The following MANBAL variants were observed in gnomAD, a reference collection of about 807,000 sequenced individuals.
MANBAL encodes protein MANBAL.
In MANBAL, 1 loss-of-function variant was observed where a neutral mutation model predicts 6.4. The observed-to-expected ratio is 0.16, with a 90% CI of 0.06 to 0.74. The LOEUF (loss-of-function observed/expected upper bound fraction) is 0.74. MANBAL is among the 30% of genes least tolerant of loss of function. The pLI is 0.78. For synonymous variants in MANBAL, 47 were observed against 45.8 expected (o/e 1.03, Z -0.10); for missense variants, 100 against 107.8 (o/e 0.93, Z 0.32).
chr20:37,300,710 T>G (rs2069113966), intron 1 of MANBAL, among the ~76,000 whole-genome samples: 1 of 152,264 alleles, frequency 6.6e-6, no homozygotes, highest in African/African-American at 2.4e-5. Flanking sequence ...ACTTTATGTT[T>G]GGAAAACATC....
intron 2 of MANBAL, among the ~76,000 whole-genome samples, chr20:37,303,099 C>T (rs1485365284): frequency 8.5e-5 from 13 of 152,158 alleles, no homozygotes; most frequent in Non-Finnish European, 1.8e-4. Context: ...TTAGTAGAGA[C>T]ACGGTTTTGC....
chr20:37,295,146 C>T (rs556882177), intron 1 of MANBAL, among the ~76,000 whole-genome samples: 1 of 152,226 alleles, frequency 6.6e-6, no homozygotes, highest in Middle Eastern at 3.4e-3. Context: ...TCCTCCTTGT[C>T]GTTAAATGAT....
intron 2 of MANBAL, among the ~76,000 whole-genome samples, chr20:37,308,560 G>A (rs937487012): frequency 6.6e-6 from 1 of 152,160 alleles, no homozygotes; most frequent in Admixed American, 6.5e-5. Flanking sequence ...TGAGGGGTCT[G>A]TGATCCCCCT....
chr20:37,305,937 A>G (rs1238066345), intron 2 of MANBAL, among the ~76,000 whole-genome samples: 1 of 152,102 alleles, frequency 6.6e-6, no homozygotes, highest in Non-Finnish European at 1.5e-5. Flanking sequence ...TGCTGCTTAG[A>G]GGTTGTCCCT....
At chr20:37,301,461 T>TAC (rs752403136) in intron 2 of MANBAL, 48 bp downstream of exon 2, 1 of 1,599,360 alleles carries the variant, frequency 6.3e-7, no homozygotes, top group Non-Finnish European at 8.5e-7. Flanking sequence ...CCAGGCTGGG[T>TAC]TCTGAGTACT....
At chr20:37,291,008 G>T (rs1483952553) in intron 1 of MANBAL, among the ~76,000 whole-genome samples, 1 of 152,146 alleles carries the variant, frequency 6.6e-6, no homozygotes, top group Non-Finnish European at 1.5e-5. Flanking sequence ...AGCCAAGAAT[G>T]GCCTACCAGC....
chr20:37,298,516 CAT>C (rs772356813), intron 1 of MANBAL, among the ~76,000 whole-genome samples: 1 of 152,120 alleles, frequency 6.6e-6, no homozygotes, highest in Non-Finnish European at 1.5e-5. Context: ...TAGCTTATTT[CAT>C]ATATATTTAT....
In MANBAL at chr20:37,301,299, G is replaced by A. The variant is rs756088289; in HGVS notation, c.36G>A (p.Val12=). 1.2e-6 allele frequency: 2 copies of A among 1,611,450 alleles called. No homozygotes were observed. Among genetic ancestry groups the A allele is most frequent in the Admixed American group, 1.7e-5 (1 of 59,904 alleles). ...ACCTAGACTTCTCACCTCCGGAGGT[G>A]CCCGAGCCCACTTTCCTGGAGAACC... ...ASDLDFSPPE[V]PEPTFLENLL... The change falls in exon 2 of 3, where the codon GTG becomes GTA. Residue 12 remains valine (V), a synonymous_variant. Transcript: ENST00000373606.
At chr20:37,294,023 G>T (rs1201446354) in intron 1 of MANBAL, among the ~76,000 whole-genome samples, 1 of 152,216 alleles carries the variant, frequency 6.6e-6, no homozygotes, top group Non-Finnish European at 1.5e-5. Flanking sequence ...CCGGGCTCAA[G>T]CAATCCTCCT....
intron 1 of MANBAL, chr20:37,297,024 C>A (rs540550605): frequency 1.3e-4 from 20 of 152,268 alleles, no homozygotes; most frequent in African/African-American, 4.6e-4. Flanking sequence ...AAGCTTGTTA[C>A]AGCCTTAAGC....
chr20:37,291,142 T>G (rs538658008), intron 1 of MANBAL, among the ~76,000 whole-genome samples: 1 of 152,346 alleles, frequency 6.6e-6, no homozygotes, highest in South Asian at 2.1e-4. Context: ...GGTTTTTTAT[T>G]TATTTGTTTT....
intron 1 of MANBAL, chr20:37,298,775 C>T (rs371186967): frequency 1.3e-5 from 2 of 151,756 alleles, no homozygotes; most frequent in South Asian, 2.1e-4. Context: ...TCTCTCACCC[C>T]GTCACTCAGG....
chr20:37,292,872 A>G (rs1489299130), intron 1 of MANBAL, among the ~76,000 whole-genome samples: 1 of 152,186 alleles, frequency 6.6e-6, no homozygotes, highest in African/African-American at 2.4e-5. Flanking sequence ...TTTATTGGAG[A>G]ATGGCCCAGA....
chr20:37,293,860 C>G (rs1452905326), intron 1 of MANBAL, among the ~76,000 whole-genome samples: 3 of 152,224 alleles, frequency 2.0e-5, no homozygotes, highest in African/African-American at 7.2e-5. Flanking sequence ...ACCCTATTCC[C>G]CCACTACCCT....
chr20:37,314,580 A>C (rs918562729), intron 2 of MANBAL, among the ~76,000 whole-genome samples: 2 of 152,204 alleles, frequency 1.3e-5, no homozygotes, highest in Non-Finnish European at 2.9e-5. Flanking sequence ...AGTTACATAA[A>C]CAGAGTAGGG....
intron 2 of MANBAL, 122 bp downstream of exon 2, chr20:37,301,535 GC>G: frequency 9.1e-7 from 1 of 1,101,662 alleles, no homozygotes; most frequent in Admixed American, 2.6e-5. Flanking sequence ...GATTTAGTGT[GC>G]CTCTGAATTT....
At chr20:37,292,708 C>CT (rs2068900529) in intron 1 of MANBAL, among the ~76,000 whole-genome samples, 1 of 152,224 alleles carries the variant, frequency 6.6e-6, no homozygotes, top group Non-Finnish European at 1.5e-5. Flanking sequence ...ATTGGGAGCT[C>CT]TTCCACTTGG....
intron 1 of MANBAL, among the ~76,000 whole-genome samples, chr20:37,295,462 C>G (rs766743162): frequency 6.6e-6 from 1 of 152,144 alleles, no homozygotes; most frequent in Non-Finnish European, 1.5e-5. Flanking sequence ...TTGATATTTT[C>G]TATTGTTATT....
At chr20:37,313,263 C>T (rs920229725) in intron 2 of MANBAL, among the ~76,000 whole-genome samples, 1 of 152,032 alleles carries the variant, frequency 6.6e-6, no homozygotes, top group African/African-American at 2.4e-5. Flanking sequence ...CCCAGCTACT[C>T]GGGAGGCTGA....
Sources: allele counts gnomAD v4.1 joint callset (sites outside exome capture counted in the v4.1 genomes callset), GRCh38; gene constraint gnomAD v4.1.1; transcripts MANE v1.5; gene names NCBI Gene and HGNC (gene_info 2026-07-23, HGNC 2026-07-21).